The following BRD4 variants were observed in gnomAD, a reference collection of about 807,000 sequenced individuals.
BRD4 encodes bromodomain containing 4.
In BRD4, 16 loss-of-function variants were observed where a neutral mutation model predicts 142.1. The observed-to-expected ratio is 0.11, with a 90% CI of 0.08 to 0.17. BRD4 has a LOEUF of 0.17. BRD4 is among the 10% of genes least tolerant of loss of function. The pLI, the probability that BRD4 is intolerant of heterozygous loss-of-function variation, is 1.00. For synonymous variants in BRD4, 833 were observed against 707.5 expected, an observed-to-expected ratio of 1.18 and a Z score of -2.82; for missense variants, 1,424 against 1,810.9, an observed-to-expected ratio of 0.79 and a Z score of 3.88.
intron 1 of BRD4, among the ~76,000 whole-genome samples, chr19:15,281,966 C>T (rs1368021760): frequency 2.0e-5 from 3 of 152,110 alleles, no homozygotes; most frequent in Non-Finnish European, 2.9e-5. Context: ...TGCAGTGAGC[C>T]GAGATTGTGC....
chr19:15,313,443 C>T (rs1454478798), intron 1 of BRD4, among the ~76,000 whole-genome samples: 3 of 145,456 alleles, frequency 2.1e-5, no homozygotes, highest in Admixed American at 7.0e-5. Context: ...GAGGCCGAGG[C>T]GGGTGGATCA....
At chr19:15,281,253 G>A (rs2047701859) in intron 1 of BRD4, among the ~76,000 whole-genome samples, 1 of 152,180 alleles carries the variant, frequency 6.6e-6, no homozygotes, top group Non-Finnish European at 1.5e-5. Flanking sequence ...AAGTGGTGGG[G>A]CCCCATTACC....
intron 1 of BRD4, among the ~76,000 whole-genome samples, chr19:15,330,167 A>G (rs77423438): frequency 0.17 from 25,421 of 152,130 alleles, 2,214 homozygotes; most frequent in Middle Eastern, 0.2. Context: ...TCGGAGGTGG[A>G]CTCGACTCCT....
At chr19:15,318,712 T>C (rs1198468330) in intron 1 of BRD4, among the ~76,000 whole-genome samples, 1 of 152,230 alleles carries the variant, frequency 6.6e-6, no homozygotes, top group Non-Finnish European at 1.5e-5. Context: ...AGTTACCTTC[T>C]GGAGCAAAGG....
chr19:15,271,565 C>T (rs1960489405), intron 2 of BRD4, among the ~76,000 whole-genome samples: 1 of 152,194 alleles, frequency 6.6e-6, no homozygotes, highest in Non-Finnish European at 1.5e-5. Flanking sequence ...TCCTTCTCTC[C>T]TGGTTCTGTG....
intron 1 of BRD4, among the ~76,000 whole-genome samples, chr19:15,320,999 C>G (rs572281787): frequency 6.6e-6 from 1 of 152,290 alleles, no homozygotes; most frequent in South Asian, 2.1e-4. Flanking sequence ...TTTGGGAGGC[C>G]AAGGCGGATG....
At chr19:15,262,806 CTT>C (rs1475430308) in intron 7 of BRD4, among the ~76,000 whole-genome samples, 1 of 152,120 alleles carries the variant, frequency 6.6e-6, no homozygotes, top group Non-Finnish European at 1.5e-5. Flanking sequence ...TTAACCCAAT[CTT>C]ATTATTCAAA....
chr19:15,246,254 C>CA (rs2047285113), intron 11 of BRD4, among the ~76,000 whole-genome samples: 1 of 152,112 alleles, frequency 6.6e-6, no homozygotes, highest in Admixed American at 6.6e-5. Context: ...AGTGTCAGGG[C>CA]AACAGGGAGT....
At chr19:15,292,711 G>A (rs561876128) in intron 1 of BRD4, among the ~76,000 whole-genome samples, 33 of 137,278 alleles carry the variant, frequency 2.4e-4, no homozygotes, top group African/African-American at 8.3e-4. Flanking sequence ...CTGGGAGGCG[G>A]AGCTTGCAGT....
chr19:15,247,896 C>T (rs142703472), intron 11 of BRD4: 348 of 228,062 alleles, frequency 1.5e-3, no homozygotes, highest in African/African-American at 7.0e-3. Context: ...CCTGGTGAGG[C>T]CAGGGCTAGC....
chr19:15,247,233 AGAG>A (rs1390651525), intron 11 of BRD4: 2 of 222,180 alleles, frequency 9.0e-6, no homozygotes, highest in African/African-American at 4.5e-5. Flanking sequence ...AGGTCAGGGC[AGAG>A]GAGAGGAGTC....
chr19:15,259,037 G>A (rs1322935082), intron 7 of BRD4, among the ~76,000 whole-genome samples: 1 of 152,130 alleles, frequency 6.6e-6, no homozygotes, highest in Non-Finnish European at 1.5e-5. Context: ...TCACATCAGA[G>A]TGGAGGCCCC....
At chr19:15,269,785 A>G (rs1349563865) in intron 2 of BRD4, among the ~76,000 whole-genome samples, 1 of 152,238 alleles carries the variant, frequency 6.6e-6, no homozygotes, top group Non-Finnish European at 1.5e-5. Context: ...TGCCAAACAG[A>G]AGGAGCCAGA....
At chr19:15,331,139 G>C (rs1020404379) in intron 1 of BRD4, among the ~76,000 whole-genome samples, 1 of 152,078 alleles carries the variant, frequency 6.6e-6, no homozygotes, top group East Asian at 1.9e-4. Context: ...ACGTAAACAA[G>C]TAAACAAGCA....
At position 15,236,820 on chromosome 19, in the gene BRD4, G is replaced by A. The variant is rs1470123029; in HGVS notation, c.*1557C>T. ...GGCAACAGTTGGTTCACAAAGAAATGTCAGGGAGACGCCAGCATTAAAAAA... is the reference window on the plus strand; with the variant it reads ...GGCAACAGTTGGTTCACAAAGAAATATCAGGGAGACGCCAGCATTAAAAAA... On this transcript the variant is annotated 3_prime_UTR_variant, in exon 20 of 20. Coordinates refer to ENST00000679869, the MANE Select transcript of BRD4 (RefSeq NM_001379291.1). The A allele has an allele frequency of 1.1e-5, 2 of 181,074 alleles. No individual in the cohort carries two copies. Among genetic ancestry groups the A allele is most frequent in the African/African-American group, 4.7e-5 (2 of 42,244 alleles). The allele number at this position is 181,074 out of a possible 1,614,324, so 11.2% of individuals were successfully genotyped here.
intron 7 of BRD4, among the ~76,000 whole-genome samples, chr19:15,261,056 C>G (rs989425273): frequency 6.6e-6 from 1 of 152,196 alleles, no homozygotes; most frequent in Admixed American, 6.5e-5. Flanking sequence ...GCATGGGTAT[C>G]AATGTGAGCA....
intron 11 of BRD4, among the ~76,000 whole-genome samples, chr19:15,250,338 G>A (rs927378963): frequency 1.3e-5 from 2 of 152,134 alleles, no homozygotes; most frequent in East Asian, 1.9e-4. Context: ...CTAGGTAAGC[G>A]CCACACTCTG....
At chr19:15,281,369 A>T (rs1478446200) in intron 1 of BRD4, among the ~76,000 whole-genome samples, 1 of 152,224 alleles carries the variant, frequency 6.6e-6, no homozygotes, top group Non-Finnish European at 1.5e-5. Flanking sequence ...GCCACACTCA[A>T]GCTCTCTGTT....
At position 15,265,447 on chromosome 19, in the gene BRD4, T is replaced by C. The variant is rs986805045; in HGVS notation, c.756A>G (p.Pro252=). The C allele has an allele frequency of 2.0e-5, 27 of 1,346,256 alleles. No homozygotes were observed. The highest frequency in any genetic ancestry group is 2.8e-5 in the Non-Finnish European group (27 of 976,868). 83.4% of individuals were successfully genotyped at this position (1,346,256 alleles called of 1,614,324 possible). ...VPPQPLQTPP[P]VPPQPQPPPA... ...GTGGGGGTTGTGGCTGGGGGGGCAC[T>C]GGCGGGGGCGTCTGCAGTGGCTGGG... Residue 252 remains proline (P), a synonymous_variant, in exon 5 of 20, where the codon CCA becomes CCG. Coordinates refer to ENST00000679869, the MANE Select transcript of BRD4 (RefSeq NM_001379291.1).
Sources: allele counts gnomAD v4.1 joint callset (sites outside exome capture counted in the v4.1 genomes callset), GRCh38; gene constraint gnomAD v4.1.1; transcripts MANE v1.5; gene names NCBI Gene and HGNC (gene_info 2026-07-23, HGNC 2026-07-21).